NF1: variants seen among roughly 807,000 people sequenced by gnomAD.
NF1 encodes the protein neurofibromin 1, also known as neurofibromin.
In NF1, 122 loss-of-function variants were observed where a neutral mutation model predicts 325.7. The ratio of observed to expected loss-of-function variants is 0.37; its 90% CI spans 0.32 to 0.44. NF1 has a LOEUF of 0.44. Among genes scored for constraint, NF1 ranks in the 20% least tolerant of loss-of-function variants. NF1 has a pLI of 1.00. For synonymous variants in NF1, 1,091 were observed against 1,186.0 expected, an observed-to-expected ratio of 0.92 and a Z score of 1.65; for missense variants, 2,140 against 3,415.4, an observed-to-expected ratio of 0.63 and a Z score of 9.31.
chr17:31,160,470 A>G (rs2065743350), intron 3 of NF1, among the ~76,000 whole-genome samples: 1 of 152,242 alleles, frequency 6.6e-6, no homozygotes, highest in African/African-American at 2.4e-5. Context: ...TTTTCTACTT[A>G]AAATCGAAGG....
intron 36 of NF1, chr17:31,313,876 A>G (rs9898921): frequency 7.6e-6 from 3 of 393,036 alleles, no homozygotes; most frequent in African/African-American, 2.1e-5. Context: ...TGTTATAGAC[A>G]TCTTTAGACT....
intron 1 of NF1, among the ~76,000 whole-genome samples, chr17:31,149,287 C>CAT (rs200397464): frequency 0.034 from 5,071 of 150,156 alleles, 95 homozygotes; most frequent in East Asian, 0.084. Context: ...TACACACACA[C>CAT]ACATACACAC....
chr17:31,343,237 T>A, intron 48 of NF1, 102 bp downstream of exon 48: 1 of 1,188,702 alleles, frequency 8.4e-7, no homozygotes, highest in Non-Finnish European at 1.2e-6. Context: ...AAGTTAGCCC[T>A]TATGTCTTAC....
intron 8 of NF1, among the ~76,000 whole-genome samples, chr17:31,191,762 C>T (rs984849096): frequency 6.6e-6 from 1 of 152,124 alleles, no homozygotes; most frequent in Admixed American, 6.6e-5. Context: ...GTATTAATGG[C>T]TTAAACATTA....
rs1377087480 is a variant in NF1 at position 31,095,561 on chromosome 17, C to A, written c.60+192C>A. The stretch of plus-strand genomic sequence containing the variant: ...GGAGGTGAGGGGTAGGAGGGGACAG[C>A]TGGGAGCTTGGGCACCCTTTCCCTC... On this transcript the variant is annotated intron_variant, in intron 1 of 57. Transcript: ENST00000358273. 2.2e-5 allele frequency: 13 copies of A among 603,600 alleles called. No individual in the cohort carries two copies. In the East Asian group the frequency reaches 3.9e-4, roughly 18 times the overall value. The allele number at this position is 603,600 out of a possible 1,614,324, so 37.4% of individuals were successfully genotyped here.
chr17:31,302,579 C>T (rs1438274966), intron 36 of NF1, among the ~76,000 whole-genome samples: 4 of 152,096 alleles, frequency 2.6e-5, no homozygotes, highest in Non-Finnish European at 5.9e-5. Context: ...CGGTGGCTCA[C>T]GGCTGTAATC....
chr17:31,154,300 A>C (rs1188650031), intron 1 of NF1, among the ~76,000 whole-genome samples: 1 of 151,710 alleles, frequency 6.6e-6, no homozygotes, highest in African/African-American at 2.4e-5. Flanking sequence ...CAAGTGATCC[A>C]CCTGCCTTGG....
intron 5 of NF1, among the ~76,000 whole-genome samples, chr17:31,174,615 A>G (rs965129887): frequency 3.9e-5 from 6 of 152,248 alleles, no homozygotes; most frequent in African/African-American, 1.4e-4. Context: ...CTTAAATATT[A>G]TGAGGGGCAT....
chr17:31,366,035 A>T (rs1199407804), intron 57 of NF1, among the ~76,000 whole-genome samples: 1 of 151,706 alleles, frequency 6.6e-6, no homozygotes, highest in Non-Finnish European at 1.5e-5. Context: ...CCCAGGTTCA[A>T]GCAATTCTCC....
chr17:31,105,458 G>A (rs1010072693), intron 1 of NF1, among the ~76,000 whole-genome samples: 1 of 152,094 alleles, frequency 6.6e-6, no homozygotes, highest in Non-Finnish European at 1.5e-5. Context: ...TCCACAAGCT[G>A]TCGCCTGCCC....
chr17:31,277,642 G>A (rs1381005324), intron 36 of NF1, among the ~76,000 whole-genome samples: 1 of 152,024 alleles, frequency 6.6e-6, no homozygotes, highest in Non-Finnish European at 1.5e-5. Context: ...GGGAATACAA[G>A]CGGAAGATTA....
chr17:31,200,008 C>T (rs1367313446), intron 8 of NF1, among the ~76,000 whole-genome samples: 5 of 151,844 alleles, frequency 3.3e-5, no homozygotes, highest in Admixed American at 1.3e-4. Flanking sequence ...TGGTGGCAGG[C>T]GCCTGTAAAC....
At chr17:31,306,798 A>T (rs7210604) in intron 36 of NF1, among the ~76,000 whole-genome samples, 69,810 of 143,994 alleles carry the variant, frequency 0.48, 20,024 homozygotes, top group African/African-American at 0.83. Flanking sequence ...TTAGGAGATT[A>T]AAAAAAAAAA....
At chr17:31,278,642 T>G (rs1261563106) in intron 36 of NF1, among the ~76,000 whole-genome samples, 1 of 151,054 alleles carries the variant, frequency 6.6e-6, no homozygotes, top group Non-Finnish European at 1.5e-5. Context: ...GAGACAGAGT[T>G]TCGCTCTTGT....
chr17:31,172,193 G>T (rs894296728), intron 5 of NF1, among the ~76,000 whole-genome samples: 9 of 152,112 alleles, frequency 5.9e-5, no homozygotes, highest in African/African-American at 2.2e-4. Context: ...TGGGTGTGCT[G>T]ACACGCACCT....
At chr17:31,337,914 A>G (rs1413608254) in intron 44 of NF1, 34 bp downstream of exon 44, 1 of 1,593,466 alleles carries the variant, frequency 6.3e-7, no homozygotes, top group Admixed American at 1.7e-5. Flanking sequence ...TTGTAAAAAT[A>G]TGCATATTGT....
chr17:31,353,204 C>T (rs930335151), intron 51 of NF1, among the ~76,000 whole-genome samples: 5 of 152,122 alleles, frequency 3.3e-5, no homozygotes, highest in Admixed American at 1.3e-4. Context: ...CCACCATGCC[C>T]GGCCGGAAGA....
chr17:31,102,631 A>G (rs1436527505), intron 1 of NF1, among the ~76,000 whole-genome samples: 1 of 151,674 alleles, frequency 6.6e-6, no homozygotes, highest in East Asian at 2.0e-4. Context: ...GCTACTCAGG[A>G]GGCTGAGGCA....
intron 36 of NF1, chr17:31,272,825 A>G (rs571254014): frequency 1.8e-4 from 28 of 152,220 alleles, no homozygotes; most frequent in Non-Finnish European, 3.5e-4. Flanking sequence ...AGGCAAGCAT[A>G]TATCCTTAAT....
Sources: allele counts gnomAD v4.1 joint callset (sites outside exome capture counted in the v4.1 genomes callset), GRCh38; gene constraint gnomAD v4.1.1; transcripts MANE v1.5; gene names NCBI Gene and HGNC (gene_info 2026-07-23, HGNC 2026-07-21).